C17orf58: variants seen among roughly 807,000 people sequenced by gnomAD.
C17orf58 encodes chromosome 17 open reading frame 58, also known as UPF0450 protein C17orf58.
In C17orf58, 5 loss-of-function variants were observed where a neutral mutation model predicts 7.4. That is an observed-to-expected ratio of 0.67 (90% confidence interval 0.35 to 1.42). C17orf58 has a LOEUF of 1.42. C17orf58 is among the 40% of genes most tolerant of loss of function. C17orf58 has a pLI of 0.04. For missense variants in C17orf58, 162 were observed against 174.2 expected (o/e 0.93, Z 0.40); for synonymous variants, 60 against 70.6 (o/e 0.85, Z 0.75).
intron 1 of C17orf58, among the ~76,000 whole-genome samples, chr17:67,995,577 A>G (rs1479088826): frequency 2.0e-5 from 3 of 152,204 alleles, no homozygotes; most frequent in Admixed American, 2.0e-4. Context: ...ACTTAATTTC[A>G]TTTCGTGCAT....
rs1281017544 is a variant in C17orf58, at chr17:67,993,984, G to T, written c.77C>A (p.Thr26Asn). The change falls in exon 2 of 4, where the codon ACC becomes AAC. Residue 26 changes from threonine (T) to asparagine (N), a missense_variant and splice_region_variant. By Grantham distance (65) the Thr-to-Asn change is moderately conservative. Coordinates refer to ENST00000580729, the MANE Select transcript of C17orf58 (RefSeq NM_001382359.1). This position sits in a 1 kb window ranked among gnomAD's most constrained non-coding sequence, Gnocchi z 5.1. Reference protein sequence around the residue: ...SPEAPVAERKTSPPHSRKPDS... With the variant: ...SPEAPVAERKNSPPHSRKPDS... ...CGGCTTTCTGCTGTGCGGCGGCGAGGCTGTGGGGAGAGAAGAGGAGAGGCG... is the reference window on the plus strand; with the variant it reads ...CGGCTTTCTGCTGTGCGGCGGCGAGTCTGTGGGGAGAGAAGAGGAGAGGCG... 6.6e-5 allele frequency: 26 copies of T among 396,132 alleles called. No homozygotes were observed. Among genetic ancestry groups the T allele is most frequent in the Non-Finnish European group, 9.8e-5 (22 of 224,680 alleles). The allele number at this position is 396,132 out of a possible 1,614,324, so 24.5% of individuals were successfully genotyped here. A position where few individuals can be genotyped will look rare whatever the true frequency, so the allele number is the denominator to read the frequency against.
intron 3 of C17orf58, 92 bp downstream of exon 3, chr17:67,992,952 G>C: frequency 6.2e-7 from 1 of 1,614,136 alleles, no homozygotes; most frequent in Non-Finnish European, 8.5e-7. Flanking sequence ...CCCAAAAAAA[G>C]GCTGGGCGAC....
Position 67,992,073 on chromosome 17 carries a change from T to G in C17orf58, c.860A>C (p.Tyr287Ser). 6.2e-7 allele frequency: 1 copy of G among 1,603,468 alleles called. No homozygotes were observed. The highest frequency in any genetic ancestry group is 8.5e-7 in the Non-Finnish European group (1 of 1,175,630). The change falls in exon 4 of 4, where the codon TAC becomes TCC. Residue 287 changes from tyrosine (Y) to serine (S), a missense_variant. Tyr to Ser is a moderately radical substitution (Grantham distance 144). Transcript: ENST00000580729. ...GSRYIVMGHI[Y>S]HKRRQLPTAL... ...TGTAGGGAGCTGCCGTCTCTTATGG[T>G]AGATGTGGCCCATCACAATATACCT...
At chr17:67,994,516 G>GTGTGTGTGTGTATATA (rs1244199425) in intron 1 of C17orf58, among the ~76,000 whole-genome samples, 13 of 89,528 alleles carry the variant, frequency 1.5e-4, no homozygotes, top group African/African-American at 4.9e-4. Flanking sequence ...GTGTGTGTGT[G>GTGTGTGTGTGTATATA]TATATATATA....
Position 67,993,385 on chromosome 17 carries a change from C to T in C17orf58, c.637+39G>A. On this transcript the variant is annotated intron_variant, in intron 2 of 3. Transcript: ENST00000580729. The surrounding 1 kb of genome is among the most constrained non-coding windows in gnomAD (Gnocchi z 5.1). ...GGATTCTCCGGGGCTCGGAAAGGCT[C>T]GCGGGGCGGCGGGGCGGCGGCGCGG... The T allele has an allele frequency of 1.7e-6, 1 of 591,630 alleles. No homozygotes were observed. Among genetic ancestry groups the T allele is most frequent in the Non-Finnish European group, 3.0e-6 (1 of 338,354 alleles). The allele number at this position is 591,630 out of a possible 1,614,324, so 36.6% of individuals were successfully genotyped here. A position where few individuals can be genotyped will look rare whatever the true frequency, so the allele number is the denominator to read the frequency against.
At chr17:67,996,032 T>A (rs1283860804) in intron 1 of C17orf58, 91 bp downstream of exon 1, 13 of 398,006 alleles carry the variant, frequency 3.3e-5, no homozygotes, top group Middle Eastern at 1.3e-3. Context: ...CTGACCCCCC[T>A]CCTCGTCCCA....
chr17:67,995,518 C>G (rs2070884771), intron 1 of C17orf58, among the ~76,000 whole-genome samples: 1 of 152,224 alleles, frequency 6.6e-6, no homozygotes, highest in South Asian at 2.1e-4. Context: ...AAAAGCAAAA[C>G]AAAAACACGA....
chr17:67,994,508 G>GTATATATATATATATATATA lies in C17orf58; in HGVS notation c.77-525_77-524insTATATATATATATATATATA, dbSNP rs1401650060. ...TGTGCGTGTGCGTGTGTGTGTGTGT[G>GTATATATATATATATATATA]TGTGTGTGTATATATATATATATAT... On this transcript the variant is annotated intron_variant, in intron 1 of 3. Coordinates refer to ENST00000580729, the MANE Select transcript of C17orf58 (RefSeq NM_001382359.1). Among the ~76,000 whole-genome samples the GTATATATATATATATATATA allele has an allele frequency of 3.7e-3, 205 of 55,684 alleles. 2 individuals are homozygous for GTATATATATATATATATATA. The highest frequency in any genetic ancestry group is 5.9e-3 in the Admixed American group (27 of 4,602). The allele number at this position is 55,684 out of a possible 152,430, so 36.5% of individuals were successfully genotyped here.
At chr17:67,994,275 G>A (rs1279547935) in intron 1 of C17orf58, among the ~76,000 whole-genome samples, 4 of 151,748 alleles carry the variant, frequency 2.6e-5, no homozygotes, top group Non-Finnish European at 5.9e-5. Context: ...AAGTGAAGCA[G>A]GGAGAACCCG....
intron 1 of C17orf58, among the ~76,000 whole-genome samples, chr17:67,994,464 A>G (rs1176505612): frequency 7.0e-6 from 1 of 143,054 alleles, no homozygotes; most frequent in East Asian, 2.0e-4. Flanking sequence ...CCTTTAATAT[A>G]TACGTATATG....
At chr17:67,992,764 TG>T in intron 3 of C17orf58, 1 of 1,148,812 alleles carries the variant, frequency 8.7e-7, no homozygotes, top group Non-Finnish European at 1.2e-6. Flanking sequence ...CAGTCCCTTC[TG>T]GCAATGGTGT....
rs781983684 is a variant in C17orf58 at position 67,992,039 on chromosome 17, G to A, written c.894C>T (p.Leu298=). 1.2e-6 allele frequency: 2 copies of A among 1,612,236 alleles called. No homozygotes were observed. The highest frequency in any genetic ancestry group is 2.2e-5 in the South Asian group (2 of 90,508). Reference sequence around the variant, plus strand: ...GACGGAGGCGGCCTCTCAGGACCTGGAGCAGAGCTGTAGGGAGCTGCCGTC... The same window carrying A: ...GACGGAGGCGGCCTCTCAGGACCTGAAGCAGAGCTGTAGGGAGCTGCCGTC... ...HKRRQLPTAL[L]QVLRGRLRPG... Residue 298 remains leucine (L), a synonymous_variant, in exon 4 of 4, where the codon CTC becomes CTT. Coordinates refer to ENST00000580729, the MANE Select transcript of C17orf58 (RefSeq NM_001382359.1).
Position 67,995,596 on chromosome 17 carries a change from A to G in C17orf58, c.76+527T>C, listed in dbSNP as rs1483251166. Reference sequence around the variant, plus strand: ...AATTTCATTTCGTGCATGAAGTATAAGAGTGTGTGCGTGTTAGTTAAACCC... The same window carrying G: ...AATTTCATTTCGTGCATGAAGTATAGGAGTGTGTGCGTGTTAGTTAAACCC... On this transcript the variant is annotated intron_variant, in intron 1 of 3. Coordinates refer to ENST00000580729, the MANE Select transcript of C17orf58 (RefSeq NM_001382359.1). Among the ~76,000 whole-genome samples the G allele has an allele frequency of 9.2e-5, 14 of 152,206 alleles. No individual in the cohort carries two copies. The South Asian group carries it at 1.4e-3, about 16-fold the overall frequency.
chr17:67,996,271 C>CT lies in C17orf58; in HGVS notation c.-74dup, dbSNP rs1247833523. On this transcript the variant is annotated 5_prime_UTR_variant, in exon 1 of 4. It removes the in-frame stop codon of an upstream open reading frame in the 5' UTR. Coordinates refer to ENST00000580729, the MANE Select transcript of C17orf58 (RefSeq NM_001382359.1). The stretch of plus-strand genomic sequence containing the variant: ...CTTGCTTTCTCTCCCCCAACCCCTT[C>CT]TCCACACCCCCACCCCCGTTCATGC... 10 of 397,812 alleles carry CT rather than the reference C, an allele frequency of 2.5e-5. No homozygotes were observed. The highest frequency in any genetic ancestry group is 8.8e-5 in the Admixed American group (2 of 22,662). The allele number at this position is 397,812 out of a possible 1,614,324, so 24.6% of individuals were successfully genotyped here.
At chr17:67,994,535 TAAA>T (rs1296094991) in intron 1 of C17orf58, among the ~76,000 whole-genome samples, 20 of 100,180 alleles carry the variant, frequency 2.0e-4, no homozygotes, top group South Asian at 7.7e-4. Context: ...TATATATATA[TAAA>T]ACATATATAA....
chr17:67,992,822 T>G, intron 3 of C17orf58: 1 of 1,498,520 alleles, frequency 6.7e-7, no homozygotes. Context: ...GACAGCCCGC[T>G]TTGTGCCAAC....
Position 67,993,805 on chromosome 17 carries a change from T to G in C17orf58, c.256A>C (p.Asn86His). Residue 86 changes from asparagine (N) to histidine (H), a missense_variant, in exon 2 of 4, where the codon AAC (asparagine) becomes CAC (histidine). Asn to His is a moderately conservative substitution (Grantham distance 68, BLOSUM62 1). Transcript: ENST00000580729. This position sits in a 1 kb window ranked among gnomAD's most constrained non-coding sequence, Gnocchi z 5.1. ...RRRKPPPPAD[N>H]QASFREAARA... Reference sequence around the variant, plus strand: ...GCGGCCTCCCGGAAGCTGGCCTGGTTGTCGGCCGGCGGTGGGGGCTTCCGG... The same window carrying G: ...GCGGCCTCCCGGAAGCTGGCCTGGTGGTCGGCCGGCGGTGGGGGCTTCCGG... 3.9e-6 allele frequency: 1 copy of G among 256,062 alleles called. No homozygotes were observed. Among genetic ancestry groups the G allele is most frequent in the Middle Eastern group, 1.2e-3 (1 of 842 alleles). The allele number at this position is 256,062 out of a possible 1,614,324, so 15.9% of individuals were successfully genotyped here.
Position 67,994,535 on chromosome 17 carries a change from T to TATATATATAAAA in C17orf58, c.77-552_77-551insTTTTATATATAT, listed in dbSNP as rs71142122. Among the ~76,000 whole-genome samples, 245 of 100,230 alleles carry TATATATATAAAA rather than the reference T, an allele frequency of 2.4e-3. 2 individuals carry two copies. The highest frequency in any genetic ancestry group is 4.5e-3 in the Non-Finnish European group (199 of 43,874). The allele number at this position is 100,230 out of a possible 152,430, so 65.8% of individuals were successfully genotyped here. On this transcript the variant is annotated intron_variant, in intron 1 of 3. Coordinates refer to ENST00000580729, the MANE Select transcript of C17orf58 (RefSeq NM_001382359.1). ...GTGTGTGTATATATATATATATATATAAAACATATATAAACATCCGCCTCT... is the reference window on the plus strand; with the variant it reads ...GTGTGTGTATATATATATATATATATATATATATAAAAAAAACATATATAAACATCCGCCTCT...
intron 3 of C17orf58, 130 bp from the exon 4 acceptor site, chr17:67,992,233 G>T: frequency 1.3e-6 from 1 of 791,328 alleles, no homozygotes; most frequent in Non-Finnish European, 1.9e-6. Flanking sequence ...CTGATATTGA[G>T]TCTACAGGCA....
Sources: allele counts gnomAD v4.1 joint callset (sites outside exome capture counted in the v4.1 genomes callset), GRCh38; gene constraint gnomAD v4.1.1; non-coding constraint Gnocchi (gnomAD v3.1); transcripts MANE v1.5; gene names NCBI Gene and HGNC (gene_info 2026-07-23, HGNC 2026-07-21).